EPB41L4B: variants seen among roughly 807,000 people sequenced by gnomAD.
EPB41L4B encodes the protein band 4.1-like protein 4B.
A neutral mutation model predicts 112.5 loss-of-function variants in EPB41L4B; 30 were observed. That is an observed-to-expected ratio of 0.27 (90% CI 0.20 to 0.36). The LOEUF (loss-of-function observed/expected upper bound fraction) is 0.36, where lower values mean the gene tolerates loss of function less well. Ranked by LOEUF, EPB41L4B falls within the 10% of genes least tolerant of loss-of-function variation. The pLI is 1.00. For missense variants in EPB41L4B, 1,024 were observed against 1,133.3 expected (o/e 0.90, Z 1.38); for synonymous variants, 408 against 439.7 (o/e 0.93, Z 0.90).
intron 20 of EPB41L4B, chr9:109,196,267 T>C (rs1832636984): frequency 1.3e-5 from 2 of 152,102 alleles, no homozygotes; most frequent in South Asian, 4.1e-4. Context: ...TAATCTTCTC[T>C]GTATGAGTCC....
At chr9:109,256,952 C>T (rs1410280961) in intron 7 of EPB41L4B, among the ~76,000 whole-genome samples, 2 of 151,850 alleles carry the variant, frequency 1.3e-5, no homozygotes, top group East Asian at 1.9e-4. Context: ...TCCATCTCAA[C>T]AACAACAACA....
intron 24 of EPB41L4B, among the ~76,000 whole-genome samples, chr9:109,178,667 C>T (rs956769089): frequency 3.9e-5 from 6 of 152,036 alleles, no homozygotes; most frequent in Non-Finnish European, 7.4e-5. Context: ...GTCTCGAACT[C>T]CTGATCTCAG....
chr9:109,308,937 G>A (rs373740882), intron 1 of EPB41L4B, among the ~76,000 whole-genome samples: 98 of 151,794 alleles, frequency 6.5e-4, no homozygotes, highest in African/African-American at 2.2e-3. Flanking sequence ...AAATTAGCGC[G>A]TGGTGGCGCA....
rs574067434 is a variant in EPB41L4B at position 109,200,317 on chromosome 9, C to T, written c.1964G>A (p.Arg655His). 2.7e-5 allele frequency: 43 copies of T among 1,613,956 alleles called. No individual in the cohort carries two copies. Among genetic ancestry groups the T allele is most frequent in the East Asian group, 6.7e-5 (3 of 44,874 alleles). Residue 655 changes from arginine to histidine, a missense_variant, in exon 20 of 26, where the codon CGT (arginine) becomes CAT (histidine). Coordinates refer to ENST00000374566, the MANE Select transcript of EPB41L4B (RefSeq NM_019114.5). ...DASVRSPIPI[R>H]VETAQPAVEK... ...CACAGCTGGCTGGGCAGTTTCCACA[C>T]GAATAGGAATAGGACTTCTAGAGAC...
intron 1 of EPB41L4B, among the ~76,000 whole-genome samples, chr9:109,301,690 T>C (rs1251409428): frequency 6.6e-6 from 1 of 152,246 alleles, no homozygotes; most frequent in African/African-American, 2.4e-5. Context: ...CAGTTTTGGC[T>C]AATCTCATGT....
At chr9:109,289,690 C>T (rs1333575526) in intron 1 of EPB41L4B, among the ~76,000 whole-genome samples, 1 of 152,214 alleles carries the variant, frequency 6.6e-6, no homozygotes, top group African/African-American at 2.4e-5. Flanking sequence ...CACACTAGGA[C>T]ATTGACGTTT....
chr9:109,263,083 T>C lies in EPB41L4B; in HGVS notation c.598A>G (p.Thr200Ala), dbSNP rs1405478893. 5 of 1,595,708 alleles carry C rather than the reference T, an allele frequency of 3.1e-6. No homozygotes were observed. In the African/African-American group the frequency reaches 5.4e-5, roughly 17 times the overall value. ...CAGAGAGCAGCTAATTCCACAGCTG[T>C]TTCATAAGGGCATTTCAATCTTGAA... ...LSGKLKCPYETAVELAALCLQ... is the reference protein window; with the variant it reads ...LSGKLKCPYEAAVELAALCLQ... The change falls in exon 6 of 26, where the codon ACA becomes GCA. Residue 200 changes from threonine to alanine, a missense_variant. By Grantham distance (58) the Thr-to-Ala change is moderately conservative. Coordinates refer to ENST00000374566, the MANE Select transcript of EPB41L4B (RefSeq NM_019114.5).
chr9:109,289,428 C>T (rs1381598242), intron 1 of EPB41L4B, among the ~76,000 whole-genome samples: 4 of 152,236 alleles, frequency 2.6e-5, no homozygotes, highest in African/African-American at 9.6e-5. Flanking sequence ...TATTCAGCTT[C>T]CTTGTTGGCA....
chr9:109,176,382 G>A (rs1250890544), intron 25 of EPB41L4B, among the ~76,000 whole-genome samples, 169 bp downstream of exon 25: 5 of 152,160 alleles, frequency 3.3e-5, no homozygotes. Context: ...TGGGATTACA[G>A]ATGAGAGCCA....
chr9:109,188,785 C>A (rs17729759), intron 22 of EPB41L4B, among the ~76,000 whole-genome samples: 1 of 151,958 alleles, frequency 6.6e-6, no homozygotes, highest in Non-Finnish European at 1.5e-5. Context: ...CATGTCATGG[C>A]CCAGAAGGGA....
In EPB41L4B at chr9:109,320,140, C is replaced by T; in HGVS notation, c.306+1G>A. On this transcript the variant is annotated splice_donor_variant, in intron 1 of 25. Transcript: ENST00000374566. LOFTEE classifies it high-confidence loss of function. ...TGCCCCAGACTGGCCCCGTCACTCA[C>T]CGGCAGGTCCACGCTCACTTCGGTC... The T allele has an allele frequency of 6.8e-7, 1 of 1,461,068 alleles. No individual in the cohort carries two copies. Among genetic ancestry groups the T allele is most frequent in the Non-Finnish European group, 9.1e-7 (1 of 1,103,738 alleles). The allele number at this position is 1,461,068 out of a possible 1,614,324, so 90.5% of individuals were successfully genotyped here.
chr9:109,276,948 T>C (rs1418084482), intron 2 of EPB41L4B, among the ~76,000 whole-genome samples: 1 of 152,204 alleles, frequency 6.6e-6, no homozygotes, highest in East Asian at 1.9e-4. Flanking sequence ...ATTAGAAGTG[T>C]AAGTTTTCTT....
At chr9:109,295,420 G>A (rs1435375775) in intron 1 of EPB41L4B, among the ~76,000 whole-genome samples, 3 of 152,116 alleles carry the variant, frequency 2.0e-5, no homozygotes, top group Non-Finnish European at 2.9e-5. Flanking sequence ...AGAACATCAC[G>A]ATATGGAACA....
intron 1 of EPB41L4B, among the ~76,000 whole-genome samples, chr9:109,292,465 C>A (rs1372370216): frequency 6.6e-6 from 1 of 152,170 alleles, no homozygotes; most frequent in Non-Finnish European, 1.5e-5. Flanking sequence ...CAAGGCAAGT[C>A]ATGTAAACTG....
intron 11 of EPB41L4B, 72 bp downstream of exon 11, chr9:109,255,439 C>T (rs1461893922): frequency 9.0e-6 from 14 of 1,562,216 alleles, no homozygotes; most frequent in African/African-American, 6.8e-5. Flanking sequence ...CTACTCTATT[C>T]GCATACAAGA....
chr9:109,299,112 G>A (rs1836856000), intron 1 of EPB41L4B, among the ~76,000 whole-genome samples: 1 of 152,214 alleles, frequency 6.6e-6, no homozygotes, highest in Non-Finnish European at 1.5e-5. Flanking sequence ...GAGGAATGGA[G>A]GTGGGCAGTC....
rs1834611597 is a variant in EPB41L4B, at chr9:109,247,700, A to T, written c.1344+56T>A. On this transcript the variant is annotated intron_variant, in intron 14 of 25. Coordinates refer to ENST00000374566, the MANE Select transcript of EPB41L4B (RefSeq NM_019114.5). ...AAACTTTACAAAAACCTTTTTTTAAATTTTATTTTTAAAATTTTCCTTCTT... is the reference window on the plus strand; with the variant it reads ...AAACTTTACAAAAACCTTTTTTTAATTTTTATTTTTAAAATTTTCCTTCTT... 3 of 1,260,538 alleles carry T rather than the reference A, an allele frequency of 2.4e-6. No homozygotes were observed. In the East Asian group the frequency reaches 8.0e-5, roughly 34 times the overall value. The allele number at this position is 1,260,538 out of a possible 1,614,324, so 78.1% of individuals were successfully genotyped here.
intron 11 of EPB41L4B, among the ~76,000 whole-genome samples, chr9:109,254,271 C>T (rs1462770761): frequency 1.3e-5 from 2 of 152,256 alleles, no homozygotes; most frequent in Non-Finnish European, 2.9e-5. Flanking sequence ...CTTCCCGCCT[C>T]ACTCCACTCC....
intron 15 of EPB41L4B, among the ~76,000 whole-genome samples, chr9:109,221,830 T>C (rs1042427188): frequency 2.0e-5 from 3 of 151,984 alleles, no homozygotes; most frequent in African/African-American, 7.3e-5. Flanking sequence ...GGAGGTGGAG[T>C]TGGAAAGCTT....
Sources: gnomAD v4.1 joint callset for allele counts (sites outside exome capture counted in the v4.1 genomes callset) on GRCh38, gnomAD v4.1.1 for gene constraint, MANE v1.5 for transcripts, NCBI Gene and HGNC (gene_info 2026-07-23, HGNC 2026-07-21) for gene names.